CACNA2D1: variants seen among roughly 807,000 people sequenced by gnomAD.
The protein encoded by CACNA2D1 is calcium voltage-gated channel auxiliary subunit alpha2delta 1, also known as voltage-dependent calcium channel subunit alpha-2/delta-1.
A neutral mutation model predicts 171.5 loss-of-function variants in CACNA2D1; 53 were observed. That is an observed-to-expected ratio of 0.31 (90% CI 0.25 to 0.39). The LOEUF is 0.39. CACNA2D1 is among the 10% of genes least tolerant of loss of function. The pLI is 1.00. For synonymous variants in CACNA2D1, 442 were observed against 443.1 expected (o/e 1.00, Z 0.03); for missense variants, 903 against 1,299.8 (o/e 0.69, Z 4.69).
intron 1 of CACNA2D1, among the ~76,000 whole-genome samples, chr7:82,385,087 G>A (rs915050335): frequency 1.3e-5 from 2 of 152,070 alleles, no homozygotes; most frequent in African/African-American, 2.4e-5. Flanking sequence ...CTTCACCACT[G>A]CACAAGACAA....
chr7:81,966,945 A>AT (rs751455778), intron 31 of CACNA2D1, among the ~76,000 whole-genome samples: 75 of 151,502 alleles, frequency 5.0e-4, no homozygotes, highest in Non-Finnish European at 7.5e-4. Flanking sequence ...TGACATGACC[A>AT]TTTTTTTACC....
intron 24 of CACNA2D1, 85 bp from the exon 25 acceptor site, chr7:81,974,637 T>G (rs1795641967): frequency 5.7e-6 from 4 of 700,816 alleles, no homozygotes; most frequent in Non-Finnish European, 9.8e-6. Flanking sequence ...CTATTTTTTT[T>G]TTTTATTAGC....
At chr7:82,048,561 T>C (rs1366139264) in intron 10 of CACNA2D1, among the ~76,000 whole-genome samples, 1 of 152,152 alleles carries the variant, frequency 6.6e-6, no homozygotes, top group Non-Finnish European at 1.5e-5. Flanking sequence ...ATGCTTTTTT[T>C]ATTCCTCTAG....
chr7:81,958,458 T>C (rs1793700018), intron 38 of CACNA2D1, among the ~76,000 whole-genome samples: 1 of 151,982 alleles, frequency 6.6e-6, no homozygotes, highest in Non-Finnish European at 1.5e-5. Flanking sequence ...TAAAAAGAGG[T>C]AGACAGAGAT....
chr7:82,073,566 G>T (rs1808576406), intron 7 of CACNA2D1, among the ~76,000 whole-genome samples: 1 of 152,060 alleles, frequency 6.6e-6, no homozygotes, highest in Non-Finnish European at 1.5e-5. Context: ...AGATTGCTTT[G>T]GGGGCAAGTC....
In CACNA2D1 at chr7:82,258,817, C is replaced by CTTTTTCT. The variant is rs1554485163; in HGVS notation, c.294+76317_294+76318insAGAAAAA. 2.1e-4 allele frequency among the ~76,000 whole-genome samples: 15 copies of CTTTTTCT among 72,628 alleles called. 1 individual carries two copies. The highest frequency in any genetic ancestry group is 3.4e-4 in the Non-Finnish European group (13 of 38,360). The allele number at this position is 72,628 out of a possible 152,430, so 47.6% of individuals were successfully genotyped here. On this transcript the variant is annotated intron_variant, in intron 3 of 38. Transcript: ENST00000356860. ...ATTTCTTTCTTTCTTTCTTACTTTT[C>CTTTTTCT]TTTTTTTTTTTTTTTTTTTTTTGAG...
At chr7:82,332,532 AAGAAAGAAAG>A (rs1361942239) in intron 3 of CACNA2D1, among the ~76,000 whole-genome samples, 95 of 67,292 alleles carry the variant, frequency 1.4e-3, no homozygotes, top group African/African-American at 3.9e-3. Context: ...GAAAGAAAGA[AAGAAAGAAAG>A]AAAGAAAGAA....
At chr7:82,308,424 A>G (rs902632964) in intron 3 of CACNA2D1, among the ~76,000 whole-genome samples, 1 of 152,220 alleles carries the variant, frequency 6.6e-6, no homozygotes, top group African/African-American at 2.4e-5. Flanking sequence ...TATCTTCCTC[A>G]TAGAGCCCCA....
chr7:82,259,189 A>G (rs38562), intron 3 of CACNA2D1, among the ~76,000 whole-genome samples: 111,574 of 151,852 alleles, frequency 0.73, 41,902 homozygotes, highest in African/African-American at 0.88. Flanking sequence ...ACAATGAGAT[A>G]GATAGATAGA....
At chr7:82,158,332 T>C (rs986428334) in intron 4 of CACNA2D1, among the ~76,000 whole-genome samples, 1 of 151,816 alleles carries the variant, frequency 6.6e-6, no homozygotes, top group African/African-American at 2.4e-5. Flanking sequence ...TATGTTCCAA[T>C]AGGGAATTAG....
intron 6 of CACNA2D1, among the ~76,000 whole-genome samples, chr7:82,113,726 G>A (rs377442015): frequency 6.6e-6 from 1 of 152,000 alleles, no homozygotes; most frequent in African/African-American, 2.4e-5. Flanking sequence ...CCTCTAAATC[G>A]GATATGTTCC....
chr7:81,961,103 C>T (rs768643069), intron 36 of CACNA2D1, among the ~76,000 whole-genome samples: 17 of 151,902 alleles, frequency 1.1e-4, no homozygotes, highest in Non-Finnish European at 2.2e-4. Flanking sequence ...TTTCTTCTTC[C>T]GCTATGGTAA....
intron 6 of CACNA2D1, among the ~76,000 whole-genome samples, chr7:82,103,223 G>A (rs1001706815): frequency 1.1e-4 from 17 of 152,196 alleles, no homozygotes; most frequent in African/African-American, 3.6e-4. Flanking sequence ...GAAGAGAATC[G>A]CGTGAACCAG....
intron 3 of CACNA2D1, among the ~76,000 whole-genome samples, chr7:82,216,804 T>C (rs1801143503): frequency 6.6e-6 from 1 of 150,480 alleles, no homozygotes; most frequent in Non-Finnish European, 1.5e-5. Context: ...CATCCATAAA[T>C]TTTTTTTTAA....
At chr7:82,074,279 T>G (rs1054772061) in intron 7 of CACNA2D1, among the ~76,000 whole-genome samples, 2 of 152,142 alleles carry the variant, frequency 1.3e-5, no homozygotes, top group African/African-American at 2.4e-5. Context: ...TAGGCTTGAG[T>G]GCAGTGGTAC....
At chr7:82,293,782 C>CT (rs1425626841) in intron 3 of CACNA2D1, among the ~76,000 whole-genome samples, 2 of 152,118 alleles carry the variant, frequency 1.3e-5, no homozygotes, top group Non-Finnish European at 2.9e-5. Flanking sequence ...TTCAATGAAT[C>CT]TTTATGTTTT....
At chr7:82,127,010 G>A (rs966677238) in intron 5 of CACNA2D1, among the ~76,000 whole-genome samples, 5 of 152,194 alleles carry the variant, frequency 3.3e-5, no homozygotes, top group African/African-American at 1.2e-4. Flanking sequence ...CTGAGTTCAT[G>A]TTTCACAAAT....
chr7:82,166,659 TAATAG>T (rs1364148740), intron 4 of CACNA2D1, among the ~76,000 whole-genome samples: 2 of 152,022 alleles, frequency 1.3e-5, no homozygotes, highest in African/African-American at 2.4e-5. Context: ...CACCTGCCCT[TAATAG>T]AATAATTTGT....
At chr7:82,049,342 A>G (rs1804938031) in intron 10 of CACNA2D1, among the ~76,000 whole-genome samples, 1 of 152,098 alleles carries the variant, frequency 6.6e-6, no homozygotes, top group South Asian at 2.1e-4. Context: ...TCTTAATTCC[A>G]TTTCTTCCTG....
Sources: allele counts gnomAD v4.1 joint callset (sites outside exome capture counted in the v4.1 genomes callset), GRCh38; gene constraint gnomAD v4.1.1; transcripts MANE v1.5; gene names NCBI Gene and HGNC (gene_info 2026-07-23, HGNC 2026-07-21).